ITIH2: variants seen among roughly 807,000 people sequenced by gnomAD.
ITIH2 encodes the protein inter-alpha-trypsin inhibitor heavy chain 2.
Under a neutral mutation model 104.4 loss-of-function variants are expected in ITIH2, and 103 were observed. The ratio of observed to expected loss-of-function variants is 0.99; its 90% CI spans 0.84 to 1.16. The LOEUF (loss-of-function observed/expected upper bound fraction) is 1.16. Ranked by LOEUF, ITIH2 falls within the 50% of genes most tolerant of loss-of-function variation. The pLI is 0.00. For synonymous variants in ITIH2, 436 were observed against 435.4 expected (o/e 1.00, Z -0.02); for missense variants, 1,108 against 1,162.4 (o/e 0.95, Z 0.68).
At chr10:7,746,122 C>T (rs1835175463) in intron 19 of ITIH2, among the ~76,000 whole-genome samples, 1 of 132,246 alleles carries the variant, frequency 7.6e-6, no homozygotes, top group South Asian at 2.5e-4. Flanking sequence ...GTGGCTCACA[C>T]CTGTAATCCC....
Position 7,743,174 on chromosome 10 carries a change from T to C in ITIH2, c.2124T>C (p.Tyr708=), listed in dbSNP as rs1316784855. The C allele has an allele frequency of 1.9e-6, 3 of 1,579,492 alleles. No individual in the cohort carries two copies. The highest frequency in any genetic ancestry group is 2.6e-6 in the Non-Finnish European group (3 of 1,160,734). Residue 708 remains tyrosine, a synonymous_variant, in exon 17 of 21, where the codon TAT becomes TAC. Coordinates refer to ENST00000358415, the MANE Select transcript of ITIH2 (RefSeq NM_002216.3). ...AAAATGACCCACATTTCATCATTTATCTACCAAAAAGCCAAAAGAACATTT... is the reference window on the plus strand; with the variant it reads ...AAAATGACCCACATTTCATCATTTACCTACCAAAAAGCCAAAAGAACATTT... ...RVENDPHFII[Y]LPKSQKNICF... is the part of the protein sequence containing the mutation.
intron 16 of ITIH2, among the ~76,000 whole-genome samples, chr10:7,740,247 G>A (rs1275293388): frequency 6.6e-6 from 1 of 152,142 alleles, no homozygotes; most frequent in Admixed American, 6.5e-5. Flanking sequence ...CACCCTTAGG[G>A]CTTATCTCTA....
chr10:7,726,890 A>T, intron 9 of ITIH2, 60 bp from the exon 10 acceptor site: 1 of 1,351,580 alleles, frequency 7.4e-7, no homozygotes, highest in Non-Finnish European at 1.0e-6. Flanking sequence ...TGGTCTTCCT[A>T]GTTCCTCTGA....
At chr10:7,735,678 T>C (rs796772475) in intron 15 of ITIH2, among the ~76,000 whole-genome samples, 25 of 149,258 alleles carry the variant, frequency 1.7e-4, no homozygotes, top group Non-Finnish European at 2.4e-4. Flanking sequence ...TCTTTTCTTT[T>C]TTTTTTTTTT....
Position 7,717,670 on chromosome 10 carries a change from T to A in ITIH2, c.512T>A (p.Val171Asp). Residue 171 changes from valine to aspartate, a missense_variant, in exon 6 of 21, where the codon GTC (valine) becomes GAC (aspartate). Transcript: ENST00000358415. ...GAAAACTTCAGAACGGAAGTAAATG[T>A]CCTCCCAGGAGCAAAGGTGCAGTTC... Reference protein sequence around the residue: ...DMENFRTEVNVLPGAKVQFEL... With the variant: ...DMENFRTEVNDLPGAKVQFEL... 1 of 1,613,892 alleles carries A rather than the reference T, an allele frequency of 6.2e-7. No individual in the cohort carries two copies. Among genetic ancestry groups the A allele is most frequent in the South Asian group, 1.1e-5 (1 of 91,056 alleles).
At chr10:7,711,335 A>G (rs558950318) in intron 4 of ITIH2, among the ~76,000 whole-genome samples, 110 of 152,290 alleles carry the variant, frequency 7.2e-4, no homozygotes, top group African/African-American at 2.5e-3. Flanking sequence ...ATCTCATTAC[A>G]TAGAAGATTT....
chr10:7,732,419 C>T lies in ITIH2; in HGVS notation c.1729C>T (p.Pro577Ser). The change falls in exon 14 of 21, where the codon CCC (proline) becomes TCC (serine). Residue 577 changes from proline to serine, a missense_variant. By Grantham distance (74) the Pro-to-Ser change is moderately conservative. Transcript: ENST00000358415. ...TCTATCGAAAGACAAGCATGCAGATCCCGATTTCACCAGGAAACTGTGGGC... is the reference window on the plus strand; with the variant it reads ...TCTATCGAAAGACAAGCATGCAGATTCCGATTTCACCAGGAAACTGTGGGC... ...DFLSKDKHAD[P>S]DFTRKLWAYL... 1 of 1,614,080 alleles carries T rather than the reference C, an allele frequency of 6.2e-7. No homozygotes were observed. Among genetic ancestry groups the T allele is most frequent in the Non-Finnish European group, 8.5e-7 (1 of 1,180,012 alleles).
intron 15 of ITIH2, among the ~76,000 whole-genome samples, chr10:7,737,660 CTATATTATATTCTATATTTTCTATAT>C (rs1480648304): frequency 0.062 from 1,865 of 30,198 alleles, 536 homozygotes; most frequent in Non-Finnish European, 0.078. Context: ...ATATTATATT[CTATATTATATTCTATATTTTCTATAT>C]TATATTCTAT....
chr10:7,709,302 G>C, intron 4 of ITIH2, 111 bp downstream of exon 4: 1 of 904,410 alleles, frequency 1.1e-6, no homozygotes, highest in South Asian at 1.5e-5. Context: ...GGACCGGCTG[G>C]ATGTCAAGGG....
At chr10:7,705,611 G>A (rs1236416142) in intron 2 of ITIH2, among the ~76,000 whole-genome samples, 2 of 151,058 alleles carry the variant, frequency 1.3e-5, no homozygotes. Context: ...CTGAGATGGA[G>A]GATCACTTGA....
chr10:7,746,354 A>C (rs1333489148), intron 19 of ITIH2, among the ~76,000 whole-genome samples: 1 of 151,914 alleles, frequency 6.6e-6, no homozygotes, highest in Non-Finnish European at 1.5e-5. Context: ...CAGCCTGGGC[A>C]ACAGAGGGAG....
rs185734548 is a variant in ITIH2, at chr10:7,723,897, C to T, written c.984+330C>T. 1.3e-3 allele frequency among the ~76,000 whole-genome samples: 196 copies of T among 152,258 alleles called. 1 individual carries two copies. Among genetic ancestry groups the T allele is most frequent in the African/African-American group, 4.5e-3 (189 of 41,550 alleles). ...TCTCAAAACTCACCTCTTTGAAAAACAGAATCTCTATATAACCTCTTCTTT... is the reference window on the plus strand; with the variant it reads ...TCTCAAAACTCACCTCTTTGAAAAATAGAATCTCTATATAACCTCTTCTTT... On this transcript the variant is annotated intron_variant, in intron 9 of 20. Coordinates refer to ENST00000358415, the MANE Select transcript of ITIH2 (RefSeq NM_002216.3).
intron 12 of ITIH2, among the ~76,000 whole-genome samples, chr10:7,730,345 AT>A (rs983206528): frequency 2.0e-5 from 3 of 152,142 alleles, no homozygotes; most frequent in African/African-American, 7.2e-5. Context: ...TATGAGGCAG[AT>A]GGGTGTTGGG....
At chr10:7,732,254 A>T (rs566366650) in intron 13 of ITIH2, 84 bp from the exon 14 acceptor site, 1 of 1,429,072 alleles carries the variant, frequency 7.0e-7, no homozygotes, top group East Asian at 2.3e-5. Flanking sequence ...ATTCCCATTC[A>T]TTCGCAGCAG....
intron 5 of ITIH2, among the ~76,000 whole-genome samples, chr10:7,713,550 T>C (rs1263457946): frequency 6.6e-6 from 1 of 152,254 alleles, no homozygotes; most frequent in African/African-American, 2.4e-5. Context: ...AAATAAACAC[T>C]GCTTTTTCTA....
chr10:7,744,707 G>A, intron 18 of ITIH2, 84 bp from the exon 19 acceptor site: 1 of 1,121,914 alleles, frequency 8.9e-7, no homozygotes, highest in South Asian at 1.6e-5. Flanking sequence ...GAGGAGTGAA[G>A]AGTTCATATT....
chr10:7,735,405 GT>G lies in ITIH2; in HGVS notation c.1957+322del, dbSNP rs375130394. On this transcript the variant is annotated intron_variant, in intron 15 of 20. Transcript: ENST00000358415. ...AGCGAGACCCCATCTCTAAAGAAAAGTTTTTTTTCATTAGCTGGGTGTGATG... is the reference window on the plus strand; with the variant it reads ...AGCGAGACCCCATCTCTAAAGAAAAGTTTTTTTCATTAGCTGGGTGTGATG... Among the ~76,000 whole-genome samples the G allele has an allele frequency of 3.7e-3, 562 of 151,852 alleles. 5 individuals are homozygous for G. Among genetic ancestry groups the G allele is most frequent in the African/African-American group, 0.013 (535 of 41,410 alleles).
intron 3 of ITIH2, among the ~76,000 whole-genome samples, chr10:7,707,815 T>TC (rs768752382): frequency 6.6e-6 from 1 of 152,198 alleles, no homozygotes; most frequent in Non-Finnish European, 1.5e-5. Flanking sequence ...TCCACCTCCC[T>TC]CAGCCTCCCA....
intron 5 of ITIH2, among the ~76,000 whole-genome samples, chr10:7,715,224 C>A (rs762178279): frequency 6.6e-6 from 1 of 152,072 alleles, no homozygotes; most frequent in African/African-American, 2.4e-5. Context: ...AGACCGAGAC[C>A]ATCCTGGCCA....
Sources: allele counts gnomAD v4.1 joint callset (sites outside exome capture counted in the v4.1 genomes callset), GRCh38; gene constraint gnomAD v4.1.1; transcripts MANE v1.5; gene names NCBI Gene and HGNC (gene_info 2026-07-23, HGNC 2026-07-21).